RAB30: variants seen among roughly 807,000 people sequenced by gnomAD.
RAB30 encodes the protein RAB30, member RAS oncogene family.
RAB30 carries 9 observed loss-of-function variants against 25.1 expected under a neutral mutation model. The observed-to-expected ratio is 0.36, with a 90% CI of 0.22 to 0.63. The LOEUF is 0.63. Ranked by LOEUF, RAB30 falls within the 20% of genes least tolerant of loss-of-function variation. RAB30 has a pLI of 0.69. For missense variants in RAB30, 140 were observed against 243.5 expected (o/e 0.58, Z 2.83); for synonymous variants, 77 against 86.4 (o/e 0.89, Z 0.60).
chr11:82,992,348 T>C (rs1333713528), intron 3 of RAB30: 1 of 456,266 alleles, frequency 2.2e-6, no homozygotes, highest in Non-Finnish European at 4.4e-6. Context: ...CAGCTCCCCA[T>C]TCACTGCTGT....
intron 1 of RAB30, among the ~76,000 whole-genome samples, chr11:83,012,361 A>G (rs143342184): frequency 1.8e-4 from 27 of 152,192 alleles, no homozygotes; most frequent in Non-Finnish European, 3.5e-4. Context: ...AAACTCTTCC[A>G]GGGCTCTGGC....
At chr11:83,051,556 G>C (rs1257363386) in intron 1 of RAB30, among the ~76,000 whole-genome samples, 3 of 152,102 alleles carry the variant, frequency 2.0e-5, no homozygotes, top group Non-Finnish European at 4.4e-5. Flanking sequence ...CGATCCCTAA[G>C]TGTCTTGGGA....
chr11:82,984,322 G>C (rs549873393), intron 4 of RAB30, among the ~76,000 whole-genome samples: 1 of 152,172 alleles, frequency 6.6e-6, no homozygotes, highest in East Asian at 1.9e-4. Context: ...AATAGATTTA[G>C]TCTCCTATGG....
rs756006619 is a variant in RAB30 at position 83,014,860 on chromosome 11, GAGGA to G, written c.-8-17540_-8-17537del. On this transcript the variant is annotated intron_variant, in intron 1 of 4. Coordinates refer to ENST00000527633, the MANE Select transcript of RAB30 (RefSeq NM_001286060.2). ...AAGGAAAGGAAAGGAAGAAAAGAAA[GAGGA>G]AGGAAGGAAGGGGCGAGTCAAGCAC... 1.5e-3 allele frequency among the ~76,000 whole-genome samples: 226 copies of G among 152,000 alleles called. 3 individuals are homozygous for G. Among genetic ancestry groups the G allele is most frequent in the Non-Finnish European group, 2.4e-4 (16 of 67,952 alleles).
chr11:83,070,178 G>A (rs954514454), intron 1 of RAB30, among the ~76,000 whole-genome samples: 1 of 152,102 alleles, frequency 6.6e-6, no homozygotes, highest in African/African-American at 2.4e-5. Context: ...GAAGGGTAGG[G>A]TGTCCAGAAG....
intron 1 of RAB30, among the ~76,000 whole-genome samples, chr11:83,026,000 G>A (rs1379742760): frequency 6.6e-6 from 1 of 152,090 alleles, no homozygotes; most frequent in African/African-American, 2.4e-5. Context: ...ACCAGCCTAG[G>A]AAACATAGTG....
chr11:83,041,390 C>T (rs1018459819), intron 1 of RAB30: 4 of 176,794 alleles, frequency 2.3e-5, no homozygotes, highest in African/African-American at 9.5e-5. Flanking sequence ...TGAGGCTTTC[C>T]AAAGGCACCT....
chr11:83,059,519 C>A (rs1288951822), intron 1 of RAB30, among the ~76,000 whole-genome samples: 2 of 152,192 alleles, frequency 1.3e-5, no homozygotes, highest in Non-Finnish European at 2.9e-5. Context: ...ATTGTGCTTT[C>A]TTTTTAAATT....
rs371235274 is a variant in RAB30 at position 83,012,378 on chromosome 11, C to A, written c.-8-15054G>T. 6.3e-4 allele frequency among the ~76,000 whole-genome samples: 96 copies of A among 152,288 alleles called. 1 individual carries two copies. The South Asian group carries it at 0.011, about 17-fold the overall frequency. On this transcript the variant is annotated intron_variant, in intron 1 of 4. Transcript: ENST00000527633. Reference sequence around the variant, plus strand: ...ACTCTTCCAGGGCTCTGGCTGCCCCCACAAAGTTGTCTGTAAGAAGTAGTA... The same window carrying A: ...ACTCTTCCAGGGCTCTGGCTGCCCCAACAAAGTTGTCTGTAAGAAGTAGTA...
intron 1 of RAB30, chr11:83,035,771 TC>T (rs981266623): frequency 2.6e-5 from 4 of 152,238 alleles, no homozygotes; most frequent in African/African-American, 9.7e-5. Context: ...CCCTGGGTAA[TC>T]AGATCGAGTA....
At chr11:83,006,494 T>C (rs1254761606) in intron 1 of RAB30, among the ~76,000 whole-genome samples, 1 of 152,196 alleles carries the variant, frequency 6.6e-6, no homozygotes, top group Non-Finnish European at 1.5e-5. Flanking sequence ...AGGCACAAGA[T>C]ATTTTTGGAA....
intron 1 of RAB30, among the ~76,000 whole-genome samples, chr11:83,018,070 G>A (rs748580370): frequency 6.6e-6 from 1 of 152,178 alleles, no homozygotes; most frequent in Non-Finnish European, 1.5e-5. Context: ...GGAGGCCAAG[G>A]CAGGTGGATC....
At chr11:83,021,524 G>A (rs760876140) in intron 1 of RAB30, among the ~76,000 whole-genome samples, 11 of 152,232 alleles carry the variant, frequency 7.2e-5, no homozygotes, top group African/African-American at 1.2e-4. Flanking sequence ...ACCTTGAGCT[G>A]CCCGCCCGGC....
rs187150801 is a variant in RAB30, at chr11:83,016,565, G to T, written c.-8-19241C>A. ...ATGGGGCCTAATTACAAATTACAAA[G>T]ATCTATAAGACTTAATCTTAAAAAG... On this transcript the variant is annotated intron_variant, in intron 1 of 4. Coordinates refer to ENST00000527633, the MANE Select transcript of RAB30 (RefSeq NM_001286060.2). 5.3e-5 allele frequency among the ~76,000 whole-genome samples: 8 copies of T among 152,202 alleles called. No homozygotes were observed. The East Asian group carries it at 1.4e-3, about 26-fold the overall frequency.
chr11:82,997,339 C>G lies in RAB30; in HGVS notation c.-8-15G>C. ...CATTTACACAGCTGCAAGGCAAACA[C>G]AGGCAAAAGTGAGAAAGGCCCAGTC... On this transcript the variant is annotated splice_polypyrimidine_tract_variant and intron_variant, in intron 1 of 4. Transcript: ENST00000527633. 7 of 1,558,118 alleles carry G rather than the reference C, an allele frequency of 4.5e-6. No individual in the cohort carries two copies. The highest frequency in any genetic ancestry group is 1.4e-5 in the African/African-American group (1 of 73,744).
At chr11:82,996,371 C>T (rs141252473) in intron 2 of RAB30, among the ~76,000 whole-genome samples, 123 of 152,312 alleles carry the variant, frequency 8.1e-4, no homozygotes, top group African/African-American at 2.8e-3. Context: ...AGGACTAAGA[C>T]CCATGTCTCA....
chr11:82,994,033 C>A lies in RAB30; in HGVS notation c.177+6G>T, dbSNP rs377704020. 64 of 1,591,538 alleles carry A rather than the reference C, an allele frequency of 4.0e-5. No individual in the cohort carries two copies. Among genetic ancestry groups the A allele is most frequent in the East Asian group, 2.7e-4 (12 of 44,748 alleles). ...TGACAACCTTAGTGAATATTTAGCA[C>A]CTTACCTTTACTTTTTCACCATTAA... On this transcript the variant is annotated splice_donor_region_variant and intron_variant, in intron 3 of 4. Transcript: ENST00000527633.
intron 1 of RAB30, among the ~76,000 whole-genome samples, chr11:83,014,682 G>GAAAGAA (rs1590853758): frequency 7.3e-6 from 1 of 137,326 alleles, no homozygotes; most frequent in East Asian, 2.1e-4. Flanking sequence ...AAGAAAGAAA[G>GAAAGAA]AAAGAAAGAA....
At chr11:83,020,001 C>CCAGGA (rs1857530738) in intron 1 of RAB30, among the ~76,000 whole-genome samples, 1 of 152,252 alleles carries the variant, frequency 6.6e-6, no homozygotes, top group East Asian at 1.9e-4. Flanking sequence ...GAAGGCGTGG[C>CCAGGA]CAGGACTGCA....
Sources: gnomAD v4.1 joint callset for allele counts (sites outside exome capture counted in the v4.1 genomes callset) on GRCh38, gnomAD v4.1.1 for gene constraint, MANE v1.5 for transcripts, NCBI Gene and HGNC (gene_info 2026-07-23, HGNC 2026-07-21) for gene names.